The following ZNF283 variants were observed in gnomAD, a reference collection of about 807,000 sequenced individuals.
The protein encoded by ZNF283 is zinc finger protein 283, also known as zinc finger protein 41.
In ZNF283, 10 loss-of-function variants were observed where a neutral mutation model predicts 9.2. The observed-to-expected ratio is 1.09, with a 90% CI of 0.67 to 1.85. The LOEUF is 1.85. Among genes scored for constraint, ZNF283 ranks in the 40% most tolerant of loss-of-function variants. The pLI is 0.00. For synonymous variants in ZNF283, 234 were observed against 244.1 expected (o/e 0.96, Z 0.38); for missense variants, 631 against 760.1 (o/e 0.83, Z 2.00).
intron 6 of ZNF283, among the ~76,000 whole-genome samples, chr19:43,843,653 G>A (rs568972674): frequency 7.9e-5 from 12 of 152,234 alleles, no homozygotes; most frequent in South Asian, 2.1e-4. Flanking sequence ...AGTGAACTAC[G>A]TCAACATTTC....
At chr19:43,829,212 C>T (rs547507766) in intron 2 of ZNF283, among the ~76,000 whole-genome samples, 3 of 152,180 alleles carry the variant, frequency 2.0e-5, no homozygotes, top group East Asian at 1.9e-4. Context: ...GGTGAAACCC[C>T]GTCTCCACTA....
Position 43,844,817 on chromosome 19 carries a change from C to G in ZNF283, c.338-2122C>G, listed in dbSNP as rs1568422064. The stretch of plus-strand genomic sequence containing the variant: ...AAAAACCTTCTTGTAGTTGTTAAGG[C>G]TCAATGGCTCTGGTTAATTTAATAT... On this transcript the variant is annotated intron_variant, in intron 6 of 6. Coordinates refer to ENST00000618787, the MANE Select transcript of ZNF283 (RefSeq NM_181845.2). Among the ~76,000 whole-genome samples the G allele has an allele frequency of 2.0e-5, 3 of 152,214 alleles. No homozygotes were observed. In the East Asian group the frequency reaches 5.8e-4, roughly 29 times the overall value.
rs1223226804 is a variant in ZNF283, at chr19:43,835,628, AT to A, written c.210+41del. The A allele has an allele frequency of 3.5e-6, 5 of 1,438,884 alleles. No homozygotes were observed. The Admixed American group carries it at 7.4e-5, about 21-fold the overall frequency. 89.1% of individuals were successfully genotyped at this position (1,438,884 alleles called of 1,614,324 possible). A position where few individuals can be genotyped will look rare whatever the true frequency, so the allele number is the denominator to read the frequency against. ...ATTTTTCTCTCCATGAAATACTGTG[AT>A]TTTTAGGGCGTGTGAATCTTTTCAT... On this transcript the variant is annotated intron_variant, in intron 5 of 6. Coordinates refer to ENST00000618787, the MANE Select transcript of ZNF283 (RefSeq NM_181845.2).
Position 43,851,129 on chromosome 19 carries a change from A to T in ZNF283, c.*2488A>T, listed in dbSNP as rs1424856889. ...GTTGCACTCTTAATAATCAACTGTA[A>T]CACAAAGCAGAGTACTTTGGGAGTT... On this transcript the variant is annotated 3_prime_UTR_variant, in exon 7 of 7. Coordinates refer to ENST00000618787, the MANE Select transcript of ZNF283 (RefSeq NM_181845.2). The T allele has an allele frequency of 6.6e-6, 1 of 152,204 alleles. No individual in the cohort carries two copies. Among genetic ancestry groups the T allele is most frequent in the Admixed American group, 6.5e-5 (1 of 15,278 alleles). 9.4% of individuals were successfully genotyped at this position (152,204 alleles called of 1,614,324 possible).
intron 2 of ZNF283, among the ~76,000 whole-genome samples, chr19:43,829,915 C>T (rs112298651): frequency 0.038 from 5,769 of 151,936 alleles, 255 homozygotes; most frequent in African/African-American, 0.1. Flanking sequence ...CCCAGCTACT[C>T]GGGAGGCTGA....
rs774129864 is a variant in ZNF283 at position 43,847,433 on chromosome 19, C to T, written c.832C>T (p.Leu278Phe). The T allele has an allele frequency of 1.2e-6, 2 of 1,613,950 alleles. No homozygotes were observed. Among genetic ancestry groups the T allele is most frequent in the South Asian group, 1.1e-5 (1 of 91,066 alleles). The change falls in exon 7 of 7, where the codon CTT becomes TTT. Residue 278 changes from leucine (L) to phenylalanine (F), a missense_variant. Physicochemically the swap from Leu to Phe is conservative, Grantham distance 22 (BLOSUM62 0). This residue lies in a region of ZNF283 where 444 missense variants were observed against 522.5 expected (regional missense o/e 0.85). Transcript: ENST00000618787. The stretch of plus-strand genomic sequence containing the variant: ...GAAGACCTTTAGCTGGGGATCAAGC[C>T]TTGTTAAACATGAGAGAATTCACAC... ...CGKTFSWGSS[L>F]VKHERIHTGE...
chr19:43,838,498 G>A (rs1599720700), intron 6 of ZNF283, among the ~76,000 whole-genome samples: 1 of 152,048 alleles, frequency 6.6e-6, no homozygotes, highest in Non-Finnish European at 1.5e-5. Flanking sequence ...CTGTGGTGGT[G>A]CGCTCCTTTA....
rs1971556708 is a variant in ZNF283 at position 43,849,857 on chromosome 19, T to C, written c.*1216T>C. On this transcript the variant is annotated 3_prime_UTR_variant, in exon 7 of 7. Transcript: ENST00000618787. ...TATGTAGCCTATGCTTAATACATAT[T>C]AGCTATTGTTCATATTGTCTTTATT... The C allele has an allele frequency of 6.6e-6, 1 of 152,224 alleles. No individual in the cohort carries two copies. The highest frequency in any genetic ancestry group is 1.5e-5 in the Non-Finnish European group (1 of 68,034). The allele number at this position is 152,224 out of a possible 1,614,324, so 9.4% of individuals were successfully genotyped here. A position where few individuals can be genotyped will look rare whatever the true frequency, so the allele number is the denominator to read the frequency against.
At chr19:43,829,851 G>T (rs1030491069) in intron 2 of ZNF283, among the ~76,000 whole-genome samples, 1 of 151,864 alleles carries the variant, frequency 6.6e-6, no homozygotes, top group African/African-American at 2.4e-5. Flanking sequence ...GTGAAACCCC[G>T]TCTCTACTAA....
At chr19:43,840,853 T>A (rs1599724078) in intron 6 of ZNF283, 1 of 134,798 alleles carries the variant, frequency 7.4e-6, no homozygotes, top group East Asian at 2.0e-4. Context: ...GCCCGGCTAA[T>A]TTTTTTTCTC....
chr19:43,830,749 A>T (rs750698006), intron 2 of ZNF283, among the ~76,000 whole-genome samples: 7 of 151,948 alleles, frequency 4.6e-5, no homozygotes, highest in Non-Finnish European at 8.8e-5. Flanking sequence ...CTAAAATTAC[A>T]AAAATTAGCC....
chr19:43,834,911 G>A (rs1970896445), intron 4 of ZNF283, among the ~76,000 whole-genome samples: 1 of 152,084 alleles, frequency 6.6e-6, no homozygotes, highest in Non-Finnish European at 1.5e-5. Flanking sequence ...TTCTTGAGAT[G>A]TATAACTTTC....
chr19:43,839,092 T>G (rs971683338), intron 6 of ZNF283, among the ~76,000 whole-genome samples: 5 of 152,360 alleles, frequency 3.3e-5, no homozygotes, highest in Admixed American at 2.0e-4. Flanking sequence ...CACTTTAGTC[T>G]GAAACACTCT....
intron 3 of ZNF283, among the ~76,000 whole-genome samples, chr19:43,831,911 G>C (rs1970726103): frequency 6.6e-6 from 1 of 152,240 alleles, no homozygotes; most frequent in African/African-American, 2.4e-5. Context: ...TTACAGGCGT[G>C]AGCCACCACA....
At chr19:43,839,594 T>C (rs1297665787) in intron 6 of ZNF283, among the ~76,000 whole-genome samples, 1 of 152,154 alleles carries the variant, frequency 6.6e-6, no homozygotes, top group Non-Finnish European at 1.5e-5. Context: ...CTTGATGGTA[T>C]CCCATTGATC....
At chr19:43,839,590 G>A (rs901789235) in intron 6 of ZNF283, among the ~76,000 whole-genome samples, 3 of 151,796 alleles carry the variant, frequency 2.0e-5, no homozygotes, top group Non-Finnish European at 4.4e-5. Flanking sequence ...TGTGCTTGAT[G>A]GTATCCCATT....
chr19:43,843,937 T>C (rs1971310784), intron 6 of ZNF283, among the ~76,000 whole-genome samples: 1 of 152,198 alleles, frequency 6.6e-6, no homozygotes. Context: ...GAGGCTAGAT[T>C]TTCTTCATAT....
intron 2 of ZNF283, among the ~76,000 whole-genome samples, chr19:43,829,891 C>T (rs1235890802): frequency 1.3e-5 from 2 of 151,620 alleles, no homozygotes; most frequent in Admixed American, 6.6e-5. Context: ...GGCATGGTGG[C>T]GGGTGGCTGT....
intron 5 of ZNF283, 31 bp from the exon 6 acceptor site, chr19:43,837,022 T>C (rs777169541): frequency 6.2e-7 from 1 of 1,610,462 alleles, no homozygotes; most frequent in South Asian, 1.1e-5. Flanking sequence ...TTCTTTAATT[T>C]CACAAGTAAT....
Sources: gnomAD v4.1 joint callset for allele counts (sites outside exome capture counted in the v4.1 genomes callset) on GRCh38, gnomAD v4.1.1 for gene constraint, gnomAD v4.1.1 regional missense constraint, MANE v1.5 for transcripts, NCBI Gene and HGNC (gene_info 2026-07-23, HGNC 2026-07-21) for gene names.